LATS2: variants seen among roughly 807,000 people sequenced by gnomAD.
The protein encoded by LATS2 is large tumor suppressor kinase 2.
In LATS2, 24 loss-of-function variants were observed where a neutral mutation model predicts 76.0. The observed-to-expected ratio is 0.32, with a 90% CI of 0.23 to 0.44. The LOEUF is 0.44. Among genes scored for constraint, LATS2 ranks in the 20% least tolerant of loss-of-function variants. The probability of loss-of-function intolerance (pLI) is 1.00; values close to 1 mark genes in which losing one functional copy is unlikely to be tolerated. For synonymous variants in LATS2, 692 were observed against 635.4 expected, an observed-to-expected ratio of 1.09 and a Z score of -1.34; for missense variants, 1,286 against 1,481.2, an observed-to-expected ratio of 0.87 and a Z score of 2.16.
At chr13:21,030,613 A>AAAAAG (rs1782143701) in intron 2 of LATS2, among the ~76,000 whole-genome samples, 4 of 19,518 alleles carry the variant, frequency 2.0e-4, no homozygotes, top group Admixed American at 1.9e-3. Flanking sequence ...AAAAAAAAAG[A>AAAAAG]AAAAAAAAAA....
intron 1 of LATS2, among the ~76,000 whole-genome samples, chr13:21,048,709 T>C (rs1595257133): frequency 6.6e-6 from 1 of 151,884 alleles, no homozygotes; most frequent in Non-Finnish European, 1.5e-5. Context: ...TGGTGGCGGG[T>C]GCCTATAATC....
At chr13:20,978,116 T>C (rs577144587) in intron 7 of LATS2, among the ~76,000 whole-genome samples, 7 of 152,178 alleles carry the variant, frequency 4.6e-5, no homozygotes, top group African/African-American at 1.4e-4. Context: ...GGGGTTTCAC[T>C]ACGTTGGCCA....
At position 21,058,543 on chromosome 13, in the gene LATS2, A is replaced by G. The variant is rs555669004; in HGVS notation, c.-205+2803T>C. On this transcript the variant is annotated intron_variant, in intron 1 of 7. Coordinates refer to ENST00000382592, the MANE Select transcript of LATS2 (RefSeq NM_014572.3). ...CTCCCACCAAAAGAAAGCCCCTCCCACCAACCCTGTGATTTGCTAAGGAAC... is the reference window on the plus strand; with the variant it reads ...CTCCCACCAAAAGAAAGCCCCTCCCGCCAACCCTGTGATTTGCTAAGGAAC... Among the ~76,000 whole-genome samples the G allele has an allele frequency of 3.1e-4, 47 of 152,252 alleles. 1 individual carries two copies. The South Asian group carries it at 4.8e-3, about 15-fold the overall frequency.
At chr13:21,008,930 A>C (rs189435124) in intron 2 of LATS2, among the ~76,000 whole-genome samples, 2 of 152,326 alleles carry the variant, frequency 1.3e-5, no homozygotes, top group East Asian at 3.9e-4. Context: ...AACTATCTAA[A>C]TGTCCATCAC....
chr13:21,036,641 C>T (rs955527219), intron 2 of LATS2, among the ~76,000 whole-genome samples: 1 of 151,914 alleles, frequency 6.6e-6, no homozygotes, highest in South Asian at 2.1e-4. Flanking sequence ...GGCATGGTGG[C>T]GCGTGCCTGT....
At chr13:21,007,758 A>AT (rs1184394830) in intron 2 of LATS2, among the ~76,000 whole-genome samples, 617 of 5,900 alleles carry the variant, frequency 0.1, 104 homozygotes, top group South Asian at 0.18. Flanking sequence ...ATATATATAT[A>AT]TATTTTTTTT....
intron 2 of LATS2, among the ~76,000 whole-genome samples, chr13:21,007,681 T>G (rs1263735659): frequency 0.12 from 187 of 1,594 alleles, 58 homozygotes; most frequent in South Asian, 0.19. Context: ...TATATATATA[T>G]AGTATATATA....
rs1033434009 is a variant in LATS2 at position 20,992,559 on chromosome 13, C to T, written c.343-1155G>A. 3.3e-5 allele frequency among the ~76,000 whole-genome samples: 5 copies of T among 152,082 alleles called. No homozygotes were observed. In the East Asian group the frequency reaches 7.7e-4, roughly 24 times the overall value. On this transcript the variant is annotated intron_variant, in intron 2 of 7. Coordinates refer to ENST00000382592, the MANE Select transcript of LATS2 (RefSeq NM_014572.3). ...AGGGTGAGCAGAGAGAAAAGAACAC[C>T]GTTGAGGCTGGCTGTGGGACAAGGG...
intron 5 of LATS2, 60 bp from the exon 6 acceptor site, chr13:20,981,708 T>C: frequency 2.8e-6 from 4 of 1,404,592 alleles, no homozygotes; most frequent in Non-Finnish European, 3.9e-6. Context: ...GAATTTTCAC[T>C]CTTCAATAAC....
At chr13:21,050,125 C>CAGACAGACAGATAGAT (rs71306170) in intron 1 of LATS2, among the ~76,000 whole-genome samples, 1 of 69,804 alleles carries the variant, frequency 1.4e-5, no homozygotes, top group African/African-American at 4.2e-5. Flanking sequence ...GTCTCATAGA[C>CAGACAGACAGATAGAT]AGATAGATAG....
At chr13:20,992,546 G>A (rs529633400) in intron 2 of LATS2, among the ~76,000 whole-genome samples, 1 of 152,150 alleles carries the variant, frequency 6.6e-6, no homozygotes, top group African/African-American at 2.4e-5. Flanking sequence ...GGTGAGCAGA[G>A]AGAAAAGAAC....
chr13:21,032,523 C>T (rs1178935626), intron 2 of LATS2, among the ~76,000 whole-genome samples: 1 of 152,216 alleles, frequency 6.6e-6, no homozygotes, highest in African/African-American at 2.4e-5. Context: ...ACCTCAGCCT[C>T]CCAAAGTGCT....
chr13:21,016,749 A>C (rs935090662), intron 2 of LATS2, among the ~76,000 whole-genome samples: 1 of 152,200 alleles, frequency 6.6e-6, no homozygotes, highest in Non-Finnish European at 1.5e-5. Context: ...GCTTTTCCAA[A>C]CCAAGGGCAG....
Position 20,975,269 on chromosome 13 carries a change from G to T in LATS2, c.2868C>A (p.Asp956Glu). The change falls in exon 8 of 8, where the codon GAC (aspartate) becomes GAA (glutamate). Residue 956 changes from aspartate (D) to glutamate (E), a missense_variant. Transcript: ENST00000382592. ...CGGCCCCATTCCGCCCCAGGCGGTG[G>T]TCTGCGGAGCAGCACAGCTTGGTGA... ...DLITKLCCSADHRLGRNGADD... is the reference protein window; with the variant it reads ...DLITKLCCSAEHRLGRNGADD... The T allele has an allele frequency of 1.2e-6, 2 of 1,614,180 alleles. No individual in the cohort carries two copies. The highest frequency in any genetic ancestry group is 1.7e-6 in the Non-Finnish European group (2 of 1,180,010).
intron 2 of LATS2, among the ~76,000 whole-genome samples, chr13:21,032,423 C>T (rs891990222): frequency 4.6e-5 from 7 of 152,088 alleles, no homozygotes; most frequent in East Asian, 1.9e-4. Context: ...CCCACCACCA[C>T]GTCTGGCTAA....
intron 2 of LATS2, among the ~76,000 whole-genome samples, chr13:21,025,995 C>G (rs1175127499): frequency 6.6e-6 from 1 of 152,182 alleles, no homozygotes; most frequent in African/African-American, 2.4e-5. Context: ...AGACTCTCCA[C>G]CCAAGACCTA....
intron 2 of LATS2, among the ~76,000 whole-genome samples, chr13:21,039,478 C>A (rs532785845): frequency 6.6e-6 from 1 of 152,116 alleles, no homozygotes; most frequent in Non-Finnish European, 1.5e-5. Context: ...TTTGGTGATG[C>A]ATATTGTTAG....
chr13:21,021,808 T>C (rs1872077056), intron 2 of LATS2, among the ~76,000 whole-genome samples: 1 of 152,226 alleles, frequency 6.6e-6, no homozygotes, highest in South Asian at 2.1e-4. Context: ...ACACTGCAGT[T>C]ATGCACTGTA....
chr13:21,014,065 G>A (rs925637741), intron 2 of LATS2, among the ~76,000 whole-genome samples: 103 of 151,806 alleles, frequency 6.8e-4, no homozygotes, highest in African/African-American at 2.2e-3. Context: ...ACAAAGAGAG[G>A]GAAGGAAGGA....
Sources: allele counts gnomAD v4.1 joint callset (sites outside exome capture counted in the v4.1 genomes callset), GRCh38; gene constraint gnomAD v4.1.1; transcripts MANE v1.5; gene names NCBI Gene and HGNC (gene_info 2026-07-23, HGNC 2026-07-21).